Variants in RNF130 observed in about 807,000 individuals in gnomAD.
RNF130 encodes the protein ring finger protein 130.
RNF130 carries 21 observed loss-of-function variants against 44.6 expected under a neutral mutation model. The ratio of observed to expected loss-of-function variants is 0.47; its 90% confidence interval spans 0.33 to 0.68. The LOEUF (loss-of-function observed/expected upper bound fraction) is 0.68. Among genes scored for constraint, RNF130 ranks in the 30% least tolerant of loss-of-function variants. RNF130 has a pLI of 0.02. For missense variants in RNF130, 479 were observed against 560.6 expected (o/e 0.85, Z 1.47); for synonymous variants, 214 against 210.4 (o/e 1.02, Z -0.15).
At chr5:180,010,916 G>T (rs1763580443) in intron 3 of RNF130, among the ~76,000 whole-genome samples, 1 of 152,100 alleles carries the variant, frequency 6.6e-6, no homozygotes, top group Admixed American at 6.6e-5. Flanking sequence ...TGGAGAGGTG[G>T]GGAGATTTCA....
At chr5:179,972,631 G>A (rs1762611758) in intron 5 of RNF130, among the ~76,000 whole-genome samples, 2 of 152,034 alleles carry the variant, frequency 1.3e-5, no homozygotes, top group South Asian at 2.1e-4. Context: ...ACTGTTGGTG[G>A]GGACCTGGTA....
intron 3 of RNF130, among the ~76,000 whole-genome samples, chr5:179,994,677 T>C (rs934127731): frequency 6.6e-6 from 1 of 152,164 alleles, no homozygotes; most frequent in Non-Finnish European, 1.5e-5. Flanking sequence ...AGCTGGCTCA[T>C]AACCTCCTGA....
At chr5:180,009,298 AG>A (rs1274195536) in intron 3 of RNF130, among the ~76,000 whole-genome samples, 1 of 152,228 alleles carries the variant, frequency 6.6e-6, no homozygotes. Flanking sequence ...CCTTGTTAAG[AG>A]GTTGAACAAA....
intron 3 of RNF130, among the ~76,000 whole-genome samples, chr5:179,981,690 AT>A (rs1051764656): frequency 8.5e-5 from 13 of 152,206 alleles, no homozygotes; most frequent in African/African-American, 3.1e-4. Context: ...AAAAGTAACA[AT>A]GATTAATCAA....
chr5:180,057,275 A>G (rs906726504), intron 1 of RNF130, among the ~76,000 whole-genome samples: 10 of 152,218 alleles, frequency 6.6e-5, no homozygotes, highest in Non-Finnish European at 8.8e-5. Flanking sequence ...CGGGGTGGGC[A>G]CAGTGGCTCA....
At chr5:180,004,615 G>A (rs1430920469) in intron 3 of RNF130, among the ~76,000 whole-genome samples, 1 of 152,180 alleles carries the variant, frequency 6.6e-6, no homozygotes, top group Non-Finnish European at 1.5e-5. Context: ...TTCTATATTT[G>A]AAAGCAAAGT....
downstream of RNF130, among the ~76,000 whole-genome samples, chr5:179,954,601 C>T (rs888955572): frequency 3.3e-5 from 5 of 152,164 alleles, no homozygotes; most frequent in South Asian, 2.1e-4. Context: ...AGGTTTTTTA[C>T]GGGGTGATGA....
intron 7 of RNF130, among the ~76,000 whole-genome samples, chr5:179,946,059 C>T (rs1762032985): frequency 6.6e-6 from 1 of 152,236 alleles, no homozygotes; most frequent in African/African-American, 2.4e-5. Context: ...ATCAGCGTTT[C>T]GCTGTCCTCC....
intron 3 of RNF130, 151 bp downstream of exon 3, chr5:180,012,910 C>T (rs1313312386): frequency 2.4e-6 from 2 of 829,486 alleles, no homozygotes; most frequent in Non-Finnish European, 3.7e-6. Context: ...CCCTTAAATA[C>T]TCATGTAGAC....
chr5:179,987,064 T>C (rs1762970464), intron 3 of RNF130, among the ~76,000 whole-genome samples: 2 of 152,218 alleles, frequency 1.3e-5, no homozygotes, highest in South Asian at 2.1e-4. Context: ...CTTTGTTTTT[T>C]TTCTACATAT....
chr5:179,957,568 G>A (rs1762237666), intron 8 of RNF130, among the ~76,000 whole-genome samples: 1 of 152,178 alleles, frequency 6.6e-6, no homozygotes, highest in African/African-American at 2.4e-5. Flanking sequence ...CCTCCTCTCT[G>A]AAGTAGTCAA....
chr5:180,040,405 T>A, intron 2 of RNF130, 48 bp downstream of exon 2: 1 of 1,552,716 alleles, frequency 6.4e-7, no homozygotes. Flanking sequence ...TATAAAGCAA[T>A]GATTTCTAAG....
At chr5:179,989,974 A>AT (rs1166807372) in intron 3 of RNF130, among the ~76,000 whole-genome samples, 1 of 152,112 alleles carries the variant, frequency 6.6e-6, no homozygotes, top group African/African-American at 2.4e-5. Context: ...AGCCTCTACT[A>AT]TAGTATTAGT....
intron 1 of RNF130, among the ~76,000 whole-genome samples, chr5:180,066,801 C>G (rs1765117980): frequency 6.6e-6 from 1 of 151,954 alleles, no homozygotes; most frequent in Non-Finnish European, 1.5e-5. Flanking sequence ...CCATTGCACT[C>G]CGCCTGGGCA....
exon 8 of RNF130, chr5:179,917,231 C>T (rs1022677050): frequency 6.6e-6 from 1 of 151,298 alleles, no homozygotes; most frequent in Non-Finnish European, 1.5e-5. Flanking sequence ...ATTTGCATTT[C>T]AATAGTCACA....
intron 6 of RNF130, among the ~76,000 whole-genome samples, chr5:179,967,679 G>GTT (rs1762482168): frequency 6.6e-6 from 1 of 151,892 alleles, no homozygotes; most frequent in Non-Finnish European, 1.5e-5. Context: ...ACAACCTTTG[G>GTT]TTCTCTCAGC....
chr5:180,008,857 C>T (rs1292481909), intron 3 of RNF130, among the ~76,000 whole-genome samples: 1 of 151,532 alleles, frequency 6.6e-6, no homozygotes, highest in East Asian at 1.9e-4. Flanking sequence ...GCACTCCAGC[C>T]TGGGTGACAG....
chr5:179,945,573 G>C (rs975173691), intron 7 of RNF130, among the ~76,000 whole-genome samples: 8 of 152,258 alleles, frequency 5.3e-5, no homozygotes, highest in Non-Finnish European at 8.8e-5. Context: ...ACAGAGGCTG[G>C]GAGAGGTCAA....
chr5:179,963,229 C>T (rs1263426509), intron 8 of RNF130, among the ~76,000 whole-genome samples: 1 of 152,226 alleles, frequency 6.6e-6, no homozygotes, highest in Non-Finnish European at 1.5e-5. Context: ...AAGCCTGTGG[C>T]TAATGAAAAC....
Sources: allele counts gnomAD v4.1 joint callset (sites outside exome capture counted in the v4.1 genomes callset), GRCh38; gene constraint gnomAD v4.1.1; transcripts MANE v1.5; gene names NCBI Gene and HGNC (gene_info 2026-07-23, HGNC 2026-07-21).